The following NEGR1 variants were observed in gnomAD, a reference collection of about 807,000 sequenced individuals.
The protein encoded by NEGR1 is neuronal growth regulator 1, also known as IgLON family member 4.
In NEGR1, 10 loss-of-function variants were observed where a neutral mutation model predicts 40.9. That is an observed-to-expected ratio of 0.24 (90% confidence interval 0.15 to 0.42). The LOEUF (loss-of-function observed/expected upper bound fraction) is 0.42. NEGR1 is among the 10% of genes least tolerant of loss of function. The pLI is 1.00. For synonymous variants in NEGR1, 185 were observed against 166.8 expected, an observed-to-expected ratio of 1.11 and a Z score of -0.84; for missense variants, 352 against 438.9, an observed-to-expected ratio of 0.80 and a Z score of 1.77.
chr1:71,864,456 A>C (rs1660052825), intron 2 of NEGR1, among the ~76,000 whole-genome samples: 1 of 152,200 alleles, frequency 6.6e-6, no homozygotes, highest in Non-Finnish European at 1.5e-5. Flanking sequence ...GAAGGTCATC[A>C]GAGAAAAACA....
chr1:71,789,298 A>T (rs1408100078), intron 2 of NEGR1, among the ~76,000 whole-genome samples: 3 of 152,164 alleles, frequency 2.0e-5, no homozygotes, highest in Non-Finnish European at 2.9e-5. Flanking sequence ...GAATGCAAGA[A>T]CTATTTTATA....
chr1:72,114,880 T>C (rs1314575364), intron 1 of NEGR1, among the ~76,000 whole-genome samples: 1 of 151,762 alleles, frequency 6.6e-6, no homozygotes, highest in Non-Finnish European at 1.5e-5. Context: ...TTGCAATTAA[T>C]TGAAAGTAAA....
At chr1:71,638,473 G>A (rs1362184680) in intron 4 of NEGR1, among the ~76,000 whole-genome samples, 1 of 151,916 alleles carries the variant, frequency 6.6e-6, no homozygotes, top group Non-Finnish European at 1.5e-5. Flanking sequence ...CTCAAGAAAG[G>A]AACTCAAAAA....
intron 4 of NEGR1, among the ~76,000 whole-genome samples, chr1:71,670,744 C>T (rs1652393524): frequency 6.6e-6 from 1 of 151,920 alleles, no homozygotes; most frequent in African/African-American, 2.4e-5. Context: ...TTTGTCTCCT[C>T]AGCTCTGGAA....
At chr1:72,193,984 A>T (rs1337683017) in intron 1 of NEGR1, among the ~76,000 whole-genome samples, 1 of 151,946 alleles carries the variant, frequency 6.6e-6, no homozygotes, top group East Asian at 1.9e-4. Context: ...CTAAGGTATC[A>T]GATCATTGCT....
At position 72,149,337 on chromosome 1, in the gene NEGR1, A is replaced by C. The variant is rs538215604; in HGVS notation, c.176+132982T>G. On this transcript the variant is annotated intron_variant, in intron 1 of 6. Transcript: ENST00000357731. Reference sequence around the variant, plus strand: ...TCCCACTACATGTGGGAATTCTGGGAGATATAATTCAAGTTTAGATTTGGG... The same window carrying C: ...TCCCACTACATGTGGGAATTCTGGGCGATATAATTCAAGTTTAGATTTGGG... Among the ~76,000 whole-genome samples the C allele has an allele frequency of 5.3e-5, 8 of 152,236 alleles. No homozygotes were observed. In the East Asian group the frequency reaches 1.5e-3, roughly 29 times the overall value.
chr1:71,989,353 A>G (rs17092051), intron 1 of NEGR1, among the ~76,000 whole-genome samples: 3,468 of 152,326 alleles, frequency 0.023, 121 homozygotes, highest in African/African-American at 0.079. Context: ...CTATTTGCCC[A>G]GGGAAAGAAG....
intron 1 of NEGR1, among the ~76,000 whole-genome samples, chr1:72,217,382 G>A (rs1331349556): frequency 2.0e-5 from 3 of 151,696 alleles, no homozygotes; most frequent in African/African-American, 7.2e-5. Flanking sequence ...ATATATCAAT[G>A]TTAAACAAAT....
intron 2 of NEGR1, among the ~76,000 whole-genome samples, chr1:71,809,875 A>G (rs1353015524): frequency 2.6e-5 from 4 of 152,174 alleles, no homozygotes; most frequent in Admixed American, 2.6e-4. Flanking sequence ...CCAACCTGTG[A>G]TCCTAACAGA....
chr1:72,152,174 T>A (rs1465315398), intron 1 of NEGR1, among the ~76,000 whole-genome samples: 1 of 151,848 alleles, frequency 6.6e-6, no homozygotes, highest in Non-Finnish European at 1.5e-5. Flanking sequence ...TCTTTGACCA[T>A]AATCTAATTA....
chr1:71,953,913 A>G (rs1257265731), intron 1 of NEGR1, among the ~76,000 whole-genome samples: 1 of 152,070 alleles, frequency 6.6e-6, no homozygotes, highest in African/African-American at 2.4e-5. Flanking sequence ...AAATTAAAAA[A>G]AATAATGTGA....
At chr1:72,251,650 G>A (rs572529707) in intron 1 of NEGR1, among the ~76,000 whole-genome samples, 1 of 152,140 alleles carries the variant, frequency 6.6e-6, no homozygotes, top group South Asian at 2.1e-4. Context: ...GTATTGTTTA[G>A]GGAATAATGG....
chr1:71,909,975 C>T (rs898054249), intron 2 of NEGR1, among the ~76,000 whole-genome samples: 2 of 152,070 alleles, frequency 1.3e-5, no homozygotes, highest in South Asian at 2.1e-4. Flanking sequence ...GTCTATCATA[C>T]GATTATAGCT....
At chr1:72,221,785 A>C (rs1200860753) in intron 1 of NEGR1, among the ~76,000 whole-genome samples, 1 of 152,104 alleles carries the variant, frequency 6.6e-6, no homozygotes, top group African/African-American at 2.4e-5. Context: ...TTTCTAAAGC[A>C]CCAATTATGA....
At chr1:71,475,890 T>C (rs2101364182) in intron 6 of NEGR1, among the ~76,000 whole-genome samples, 1 of 152,148 alleles carries the variant, frequency 6.6e-6, no homozygotes, top group East Asian at 1.9e-4. Flanking sequence ...CTATAATATC[T>C]TCAATAATTA....
chr1:71,583,491 T>C (rs1649204341), intron 6 of NEGR1, among the ~76,000 whole-genome samples: 1 of 152,194 alleles, frequency 6.6e-6, no homozygotes, highest in Admixed American at 6.5e-5. Context: ...CAATTTATCC[T>C]TTTCCAGCAG....
At chr1:71,954,986 T>C (rs998126938) in intron 1 of NEGR1, among the ~76,000 whole-genome samples, 9 of 152,114 alleles carry the variant, frequency 5.9e-5, no homozygotes, top group African/African-American at 2.2e-4. Context: ...AGGAATAAAT[T>C]TTACACACAT....
At chr1:71,729,803 A>C (rs1478139844) in intron 3 of NEGR1, among the ~76,000 whole-genome samples, 1 of 149,954 alleles carries the variant, frequency 6.7e-6, no homozygotes, top group Admixed American at 6.7e-5. Flanking sequence ...ATGCCTGGCT[A>C]ATTTTTGTTT....
chr1:71,804,900 C>A (rs563863663), intron 2 of NEGR1, among the ~76,000 whole-genome samples: 1 of 152,294 alleles, frequency 6.6e-6, no homozygotes, highest in East Asian at 1.9e-4. Flanking sequence ...TGGAACACAG[C>A]CATATTTCTC....
Sources: gnomAD v4.1 joint callset for allele counts (sites outside exome capture counted in the v4.1 genomes callset) on GRCh38, gnomAD v4.1.1 for gene constraint, MANE v1.5 for transcripts, NCBI Gene and HGNC (gene_info 2026-07-23, HGNC 2026-07-21) for gene names.